The following MYO5A variants were observed in gnomAD, a reference collection of about 807,000 sequenced individuals.
MYO5A encodes the protein unconventional myosin-Va.
MYO5A carries 98 observed loss-of-function variants against 249.7 expected under a neutral mutation model. The observed-to-expected ratio is 0.39, with a 90% CI of 0.33 to 0.46. The LOEUF is 0.46. MYO5A is among the 20% of genes least tolerant of loss of function. The pLI is 0.98. For synonymous variants in MYO5A, 778 were observed against 810.6 expected (o/e 0.96, Z 0.68); for missense variants, 1,696 against 2,308.8 (o/e 0.73, Z 5.44).
chr15:52,316,830 T>C (rs2038044666), intron 40 of MYO5A, among the ~76,000 whole-genome samples: 1 of 152,218 alleles, frequency 6.6e-6, no homozygotes, highest in South Asian at 2.1e-4. Flanking sequence ...CAATAAATAT[T>C]TGCTGAATAT....
At chr15:52,344,971 A>C (rs1393175300) in intron 30 of MYO5A, among the ~76,000 whole-genome samples, 1 of 152,244 alleles carries the variant, frequency 6.6e-6, no homozygotes, top group Non-Finnish European at 1.5e-5. Context: ...TATGTTTATA[A>C]TTTAAACTGA....
Position 52,358,793 on chromosome 15 carries a change from A to T in MYO5A, c.3423+1175T>A, listed in dbSNP as rs557257539. On this transcript the variant is annotated intron_variant, in intron 25 of 41. Transcript: ENST00000399233. ...GAGTAATAATAAATTACTGTTTTTT[A>T]AAAAAAAAACACTAAAACTTGAGAT... is the stretch of plus-strand genomic sequence containing the variant. Among the ~76,000 whole-genome samples the T allele has an allele frequency of 2.1e-3, 269 of 126,456 alleles. 1 individual carries two copies. The highest frequency in any genetic ancestry group is 3.6e-3 in the Middle Eastern group (1 of 276). 83.0% of individuals were successfully genotyped at this position (126,456 alleles called of 152,430 possible). A position where few individuals can be genotyped will look rare whatever the true frequency, so the allele number is the denominator to read the frequency against.
chr15:52,319,891 C>G (rs901698878), intron 38 of MYO5A, among the ~76,000 whole-genome samples: 1 of 152,066 alleles, frequency 6.6e-6, no homozygotes, highest in African/African-American at 2.4e-5. Flanking sequence ...AAATAAGAAG[C>G]GTTAAGAAGC....
intron 23 of MYO5A, among the ~76,000 whole-genome samples, chr15:52,365,912 G>A (rs1407330209): frequency 1.3e-5 from 2 of 152,114 alleles, no homozygotes; most frequent in Middle Eastern, 3.2e-3. Context: ...GTTACATGCT[G>A]CCTCCCAGCA....
intron 1 of MYO5A, among the ~76,000 whole-genome samples, chr15:52,477,836 C>G (rs1019677264): frequency 6.6e-6 from 1 of 152,180 alleles, no homozygotes; most frequent in African/African-American, 2.4e-5. Context: ...TGAGGTGCCT[C>G]CCAGTTAGGC....
At chr15:52,518,815 A>C (rs2077552006) in intron 1 of MYO5A, among the ~76,000 whole-genome samples, 1 of 152,226 alleles carries the variant, frequency 6.6e-6, no homozygotes, top group Admixed American at 6.5e-5. Context: ...AAACACAGAA[A>C]ATGATTTATG....
chr15:52,424,215 A>G (rs1460366792), intron 4 of MYO5A, among the ~76,000 whole-genome samples: 1 of 152,236 alleles, frequency 6.6e-6, no homozygotes, highest in Non-Finnish European at 1.5e-5. Flanking sequence ...AGCTTTGAAC[A>G]CTAATTACTA....
At chr15:52,471,620 C>CA (rs71130163) in intron 1 of MYO5A, among the ~76,000 whole-genome samples, 7 of 148,274 alleles carry the variant, frequency 4.7e-5, no homozygotes, top group East Asian at 2.0e-4. Flanking sequence ...CACACACACA[C>CA]CCCAAACAAA....
At position 52,454,999 on chromosome 15, in the gene MYO5A, A is replaced by G. The variant is rs190147122; in HGVS notation, c.28-21714T>C. Among the ~76,000 whole-genome samples the G allele has an allele frequency of 4.4e-4, 67 of 151,308 alleles. 1 individual carries two copies. The East Asian group carries it at 7.1e-3, about 16-fold the overall frequency. On this transcript the variant is annotated intron_variant, in intron 1 of 41. Coordinates refer to ENST00000399233, the MANE Select transcript of MYO5A (RefSeq NM_001382347.1). ...ACCAGAGCAGAAATAAATGAAATTG[A>G]AACTAAAAAAAAAATACAGAAGGTC...
At chr15:52,338,552 A>C (rs1310516711) in intron 32 of MYO5A, among the ~76,000 whole-genome samples, 1 of 152,156 alleles carries the variant, frequency 6.6e-6, no homozygotes, top group Non-Finnish European at 1.5e-5. Context: ...TTGAGAAAAC[A>C]ATGATTTTGA....
At chr15:52,447,511 G>T (rs893984908) in intron 1 of MYO5A, among the ~76,000 whole-genome samples, 2 of 152,190 alleles carry the variant, frequency 1.3e-5, no homozygotes, top group Admixed American at 6.5e-5. Flanking sequence ...GAGGTGTGGG[G>T]CATTGCTATA....
At chr15:52,377,980 T>C (rs1362037731) in intron 18 of MYO5A, among the ~76,000 whole-genome samples, 3 of 152,146 alleles carry the variant, frequency 2.0e-5, no homozygotes, top group Non-Finnish European at 4.4e-5. Flanking sequence ...TCCACATATA[T>C]CTAAAAAATC....
chr15:52,366,537 G>A (rs2040813629), intron 23 of MYO5A, among the ~76,000 whole-genome samples: 1 of 142,512 alleles, frequency 7.0e-6, no homozygotes, highest in Admixed American at 7.5e-5. Flanking sequence ...TAGAATAAAT[G>A]TCCATATCTA....
Position 52,364,671 on chromosome 15 carries a change from C to T in MYO5A, c.3192G>A (p.Thr1064=), listed in dbSNP as rs769898622. ...CATTAAGGTCGAGTTCCAGTTGTTT[C>T]GTTTCTTCTACTAACTTCTTCTCCA... is the stretch of plus-strand genomic sequence containing the variant. ...ETMEKKLVEE[T]KQLELDLNDE... Residue 1064 remains threonine (T), a synonymous_variant, in exon 24 of 42, where the codon ACG becomes ACA. Coordinates refer to ENST00000399233, the MANE Select transcript of MYO5A (RefSeq NM_001382347.1). 1.1e-5 allele frequency: 18 copies of T among 1,613,594 alleles called. No homozygotes were observed. Among genetic ancestry groups the T allele is most frequent in the African/African-American group, 4.0e-5 (3 of 74,866 alleles).
At chr15:52,487,480 T>C (rs138465619) in intron 1 of MYO5A, among the ~76,000 whole-genome samples, 4 of 151,982 alleles carry the variant, frequency 2.6e-5, no homozygotes, top group African/African-American at 9.7e-5. Context: ...TCGCAACACT[T>C]TGGGAGGCCG....
chr15:52,369,980 A>G (rs2041019865), intron 22 of MYO5A, among the ~76,000 whole-genome samples, 189 bp downstream of exon 22: 1 of 151,938 alleles, frequency 6.6e-6, no homozygotes, highest in Admixed American at 6.6e-5. Context: ...AGTTCTACTA[A>G]AAGACCTACA....
At chr15:52,330,548 C>A (rs772165278) in intron 34 of MYO5A, 49 bp from the exon 35 acceptor site, 15 of 1,603,352 alleles carry the variant, frequency 9.4e-6, no homozygotes, top group Non-Finnish European at 1.2e-5. Context: ...ATATAAAAAA[C>A]ATGAGAGGTC....
chr15:52,353,185 C>G (rs533640915), intron 27 of MYO5A, among the ~76,000 whole-genome samples: 7 of 152,158 alleles, frequency 4.6e-5, no homozygotes, highest in Admixed American at 3.9e-4. Context: ...ATTTTGAGAG[C>G]CACTAATCTA....
rs2037679732 is a variant in MYO5A, at chr15:52,308,297, T to C, written c.*5399A>G. ...TAGTATTTTTCAGTTCCTCATCTAT[T>C]GAGAAATCTACTATAATTCAGGTTG... On this transcript the variant is annotated 3_prime_UTR_variant, in exon 42 of 42. Transcript: ENST00000399233. 6.6e-6 allele frequency: 1 copy of C among 152,222 alleles called. No homozygotes were observed. Among genetic ancestry groups the C allele is most frequent in the Non-Finnish European group, 1.5e-5 (1 of 68,028 alleles). 9.4% of individuals were successfully genotyped at this position (152,222 alleles called of 1,614,324 possible).
Sources: allele counts gnomAD v4.1 joint callset (sites outside exome capture counted in the v4.1 genomes callset), GRCh38; gene constraint gnomAD v4.1.1; transcripts MANE v1.5; gene names NCBI Gene and HGNC (gene_info 2026-07-23, HGNC 2026-07-21).